The following GLYATL2 variants were observed in gnomAD, a reference collection of about 807,000 sequenced individuals.
GLYATL2 encodes glycine N-acyltransferase-like protein 2.
A neutral mutation model predicts 21.4 loss-of-function variants in GLYATL2; 25 were observed. The observed-to-expected ratio is 1.17, with a 90% CI of 0.85 to 1.63. The LOEUF (loss-of-function observed/expected upper bound fraction) is 1.63. Ranked by LOEUF, GLYATL2 falls within the 40% of genes most tolerant of loss-of-function variation. The probability of loss-of-function intolerance (pLI) is 0.00; values close to 1 mark genes in which losing one functional copy is unlikely to be tolerated. For missense variants in GLYATL2, 361 were observed against 343.3 expected (o/e 1.05, Z -0.41); for synonymous variants, 114 against 118.2 (o/e 0.96, Z 0.23).
chr11:58,875,474 G>C lies in GLYATL2; in HGVS notation n.60+28682C>G, dbSNP rs535681806. Among the ~76,000 whole-genome samples, 7 of 152,222 alleles carry C rather than the reference G, an allele frequency of 4.6e-5. No homozygotes were observed. The South Asian group carries it at 1.2e-3, about 27-fold the overall frequency. The stretch of plus-strand genomic sequence containing the variant: ...AGTGCTTCCTTCAGGAGCTCTTTTA[G>C]GGCAGGCCTGGTGGTGACAAAATCT... On this transcript the variant is annotated intron_variant and non_coding_transcript_variant, in intron 1 of 4. Coordinates refer to the GLYATL2 transcript ENST00000533636.
chr11:58,888,954 T>C (rs959069176), intron 1 of GLYATL2, among the ~76,000 whole-genome samples: 6 of 151,938 alleles, frequency 3.9e-5, no homozygotes, highest in Non-Finnish European at 5.9e-5. Flanking sequence ...TTGGAGGAGC[T>C]TTTTTAGACA....
intron 1 of GLYATL2, among the ~76,000 whole-genome samples, chr11:58,881,645 T>G (rs1396756025): frequency 6.6e-6 from 1 of 152,172 alleles, no homozygotes; most frequent in African/African-American, 2.4e-5. Context: ...TGTGCAGGTT[T>G]GTTACATATG....
At chr11:58,880,638 G>A (rs1854316222) in intron 1 of GLYATL2, among the ~76,000 whole-genome samples, 1 of 150,330 alleles carries the variant, frequency 6.7e-6, no homozygotes, top group African/African-American at 2.4e-5. Flanking sequence ...TTGGAGGTGG[G>A]AAAAAAAAAG....
intron 1 of GLYATL2, among the ~76,000 whole-genome samples, chr11:58,899,361 C>T (rs539942877): frequency 6.6e-4 from 100 of 152,198 alleles, no homozygotes; most frequent in Middle Eastern, 3.4e-3. Flanking sequence ...CTCACTGCCC[C>T]TCTTGAAGCT....
chr11:58,837,709 G>T (rs1853465064), intron 3 of GLYATL2, among the ~76,000 whole-genome samples: 1 of 152,190 alleles, frequency 6.6e-6, no homozygotes, highest in Admixed American at 6.5e-5. Flanking sequence ...GGTATGGAAA[G>T]AAATATAAAG....
At chr11:58,854,103 A>G (rs1431029793) in intron 1 of GLYATL2, among the ~76,000 whole-genome samples, 1 of 152,136 alleles carries the variant, frequency 6.6e-6, no homozygotes, top group East Asian at 1.9e-4. Flanking sequence ...ATGTACTCCA[A>G]GTTCATCTAT....
chr11:58,855,016 A>G (rs1853804182), intron 1 of GLYATL2, among the ~76,000 whole-genome samples: 1 of 152,192 alleles, frequency 6.6e-6, no homozygotes, highest in Admixed American at 6.5e-5. Context: ...TACTTCCTCC[A>G]TTTAAATCTT....
At chr11:58,875,767 A>C (rs1379828938) in intron 1 of GLYATL2, among the ~76,000 whole-genome samples, 11 of 152,036 alleles carry the variant, frequency 7.2e-5, no homozygotes, top group East Asian at 3.9e-4. Context: ...AATTATGTGT[A>C]TTGGAGTTGC....
At position 58,834,311 on chromosome 11, in the gene GLYATL2, G is replaced by A. The variant is rs147190777; in HGVS notation, c.*118C>T. Reference sequence around the variant, plus strand: ...GTAAAACTGTTAAGGGTGAGCTTAAGTAATACACAGATCCTAGATAATCAG... The same window carrying A: ...GTAAAACTGTTAAGGGTGAGCTTAAATAATACACAGATCCTAGATAATCAG... On this transcript the variant is annotated 3_prime_UTR_variant, in exon 6 of 6. Coordinates refer to ENST00000287275, the MANE Select transcript of GLYATL2 (RefSeq NM_145016.4). 1,117 of 775,906 alleles carry A rather than the reference G, an allele frequency of 1.4e-3. 11 individuals are homozygous for A. In the African/African-American group the frequency reaches 0.018, roughly 13 times the overall value. 48.1% of individuals were successfully genotyped at this position (775,906 alleles called of 1,614,324 possible). A position where few individuals can be genotyped will look rare whatever the true frequency, so the allele number is the denominator to read the frequency against.
chr11:58,863,076 G>T (rs1006490064), intron 1 of GLYATL2, among the ~76,000 whole-genome samples: 1 of 152,118 alleles, frequency 6.6e-6, no homozygotes, highest in Non-Finnish European at 1.5e-5. Flanking sequence ...TGGTAGGCTT[G>T]GTTCCTGGGT....
chr11:58,865,094 C>A (rs1854001381), intron 1 of GLYATL2, among the ~76,000 whole-genome samples: 1 of 147,582 alleles, frequency 6.8e-6, no homozygotes, highest in Non-Finnish European at 1.5e-5. Flanking sequence ...AAGGTTTACA[C>A]ATGAAACACA....
chr11:58,892,724 G>T, intron 1 of GLYATL2: 1 of 347,744 alleles, frequency 2.9e-6, no homozygotes, highest in South Asian at 7.2e-5. Flanking sequence ...AGTGAAGGTA[G>T]AGCATTCAAG....
chr11:58,907,781 A>G (rs1854940593), upstream of GLYATL2: 1 of 186,386 alleles, frequency 5.4e-6, no homozygotes, highest in African/African-American at 2.4e-5. Flanking sequence ...GTACGTTGTT[A>G]TTTTACATGG....
At chr11:58,849,703 G>A (rs1244935588), upstream of GLYATL2, among the ~76,000 whole-genome samples, 11 of 152,132 alleles carry the variant, frequency 7.2e-5, no homozygotes, top group Non-Finnish European at 4.4e-5. Flanking sequence ...ACCAAACACC[G>A]CATGTTCTCA....
At chr11:58,885,539 C>G in intron 1 of GLYATL2, 1 of 454,538 alleles carries the variant, frequency 2.2e-6, no homozygotes, top group South Asian at 1.7e-5. Context: ...ACCACCAAAA[C>G]AGGTAGGCAC....
chr11:58,843,293 T>A (rs577872869), intron 1 of GLYATL2, among the ~76,000 whole-genome samples: 1 of 152,204 alleles, frequency 6.6e-6, no homozygotes, highest in Middle Eastern at 3.4e-3. Context: ...GCCAAGAAAG[T>A]GTCGAGAAAA....
intron 1 of GLYATL2, 88 bp from the exon 2 acceptor site, chr11:58,839,740 C>A: frequency 1.6e-6 from 1 of 613,014 alleles, no homozygotes; most frequent in South Asian, 2.1e-5. Flanking sequence ...CCAGGGACAT[C>A]ATACACTATT....
At chr11:58,868,964 C>T (rs541559246) in intron 1 of GLYATL2, among the ~76,000 whole-genome samples, 4 of 144,932 alleles carry the variant, frequency 2.8e-5, no homozygotes, top group Admixed American at 1.5e-4. Context: ...AGTATGGACA[C>T]TCTTGGGGAG....
intron 1 of GLYATL2, among the ~76,000 whole-genome samples, chr11:58,883,402 C>A (rs1854378431): frequency 6.6e-6 from 1 of 152,148 alleles, no homozygotes; most frequent in Non-Finnish European, 1.5e-5. Flanking sequence ...ACCAATCCCA[C>A]AGAAATACAA....
Sources: gnomAD v4.1 joint callset for allele counts (sites outside exome capture counted in the v4.1 genomes callset) on GRCh38, gnomAD v4.1.1 for gene constraint, MANE v1.5 for transcripts, NCBI Gene and HGNC (gene_info 2026-07-23, HGNC 2026-07-21) for gene names.